GANC: variants seen among roughly 807,000 people sequenced by gnomAD.
GANC encodes glucosidase alpha, neutral C.
GANC carries 117 observed loss-of-function variants against 124.2 expected under a neutral mutation model. That is an observed-to-expected ratio of 0.94 (90% CI 0.81 to 1.10). The LOEUF is 1.10. Ranked by LOEUF, GANC falls within the 50% of genes least tolerant of loss-of-function variation. The probability of loss-of-function intolerance (pLI) is 0.00; values close to 1 mark genes in which losing one functional copy is unlikely to be tolerated. For missense variants in GANC, 1,140 were observed against 1,095.0 expected (o/e 1.04, Z -0.58); for synonymous variants, 377 against 376.8 (o/e 1.00, Z -0.01).
Position 42,287,753 on chromosome 15 carries a change from A to T in GANC, c.264A>T (p.Glu88Asp). 6.2e-7 allele frequency: 1 copy of T among 1,613,256 alleles called. No homozygotes were observed. The highest frequency in any genetic ancestry group is 1.1e-5 in the South Asian group (1 of 91,034). ...ACATTTTCAGGCTTAAAATTAATGA[A>T]GAGACTCCTCTAAAACCCAGATTTG... Reference protein sequence around the residue: ...EGNIFRLKINEETPLKPRFEV... With the variant: ...EGNIFRLKINDETPLKPRFEV... Residue 88 changes from glutamate to aspartate, a missense_variant, in exon 4 of 24, where the codon GAA (glutamate) becomes GAT (aspartate). Coordinates refer to ENST00000318010, the MANE Select transcript of GANC (RefSeq NM_198141.3).
chr15:42,304,770 T>C (rs2051977477), intron 6 of GANC, among the ~76,000 whole-genome samples: 1 of 152,144 alleles, frequency 6.6e-6, no homozygotes, highest in African/African-American at 2.4e-5. Flanking sequence ...AACAGATATG[T>C]AGACCAATGG....
At chr15:42,278,977 A>C (rs1325539692) in intron 3 of GANC, among the ~76,000 whole-genome samples, 1 of 152,226 alleles carries the variant, frequency 6.6e-6, no homozygotes, top group Non-Finnish European at 1.5e-5. Context: ...CCTGGGTGAC[A>C]CAGCAAGATC....
At position 42,352,168 on chromosome 15, in the gene GANC, G is replaced by A; in HGVS notation, c.*29G>A. Reference sequence around the variant, plus strand: ...AGAACTGCCCCTGGTGATGTGAGCAGGGACCTGCCTGCCCCTTTCAACCTT... The same window carrying A: ...AGAACTGCCCCTGGTGATGTGAGCAAGGACCTGCCTGCCCCTTTCAACCTT... On this transcript the variant is annotated 3_prime_UTR_variant, in exon 24 of 24. Coordinates refer to ENST00000318010, the MANE Select transcript of GANC (RefSeq NM_198141.3). 1.2e-6 allele frequency: 2 copies of A among 1,613,648 alleles called. No individual in the cohort carries two copies.
Position 42,297,613 on chromosome 15 carries a change from C to T in GANC, c.515C>T (p.Ala172Val). 6.2e-7 allele frequency: 1 copy of T among 1,611,284 alleles called. No homozygotes were observed. Among genetic ancestry groups the T allele is most frequent in the Admixed American group, 1.7e-5 (1 of 59,894 alleles). Reference sequence around the variant, plus strand: ...CAACTTTATTTACGTTAAAACAGAGCTGCTAAAGAAAATGAGGAGGAGACA... The same window carrying T: ...CAACTTTATTTACGTTAAAACAGAGTTGCTAAAGAAAATGAGGAGGAGACA... ...EHLQILHKQR[A>V]AKENEEETSV... is the part of the protein sequence containing the mutation. The change falls in exon 6 of 24, where the codon GCT becomes GTT. Residue 172 changes from alanine (A) to valine (V), a missense_variant and splice_region_variant. By Grantham distance (64) the Ala-to-Val change is moderately conservative. Coordinates refer to ENST00000318010, the MANE Select transcript of GANC (RefSeq NM_198141.3).
intron 4 of GANC, among the ~76,000 whole-genome samples, chr15:42,291,554 T>G (rs2051842356): frequency 6.6e-6 from 1 of 152,144 alleles, no homozygotes; most frequent in South Asian, 2.1e-4. Context: ...GAGGGAGCAC[T>G]TGGAAAGCAT....
In GANC at chr15:42,274,406, C is replaced by A; in HGVS notation, c.-76C>A. The stretch of plus-strand genomic sequence containing the variant: ...ACTGGTTGTAATTTTAGAAAGACAC[C>A]CAATCGGCTTTTTTAAAAGATCGCC... On this transcript the variant is annotated 5_prime_UTR_variant, in exon 1 of 24. Coordinates refer to ENST00000318010, the MANE Select transcript of GANC (RefSeq NM_198141.3). The A allele has an allele frequency of 6.7e-7, 1 of 1,484,176 alleles. No individual in the cohort carries two copies. Among genetic ancestry groups the A allele is most frequent in the Non-Finnish European group, 9.2e-7 (1 of 1,082,544 alleles). 91.9% of individuals were successfully genotyped at this position (1,484,176 alleles called of 1,614,324 possible). A position where few individuals can be genotyped will look rare whatever the true frequency, so the allele number is the denominator to read the frequency against.
chr15:42,291,027 G>A (rs906402978), intron 4 of GANC, among the ~76,000 whole-genome samples: 4 of 151,826 alleles, frequency 2.6e-5, no homozygotes, highest in South Asian at 2.1e-4. Context: ...TCCTGTGCCC[G>A]ACCCCTACCA....
At position 42,274,337 on chromosome 15, in the gene GANC, A is replaced by C; in HGVS notation, c.-145A>C. The C allele has an allele frequency of 1.3e-6, 1 of 773,748 alleles. No individual in the cohort carries two copies. Among genetic ancestry groups the C allele is most frequent in the Non-Finnish European group, 2.1e-6 (1 of 470,674 alleles). 47.9% of individuals were successfully genotyped at this position (773,748 alleles called of 1,614,324 possible). A position where few individuals can be genotyped will look rare whatever the true frequency, so the allele number is the denominator to read the frequency against. The stretch of plus-strand genomic sequence containing the variant: ...AAGAGTCAAGATTTGTCACTCCATG[A>C]GAATCTGGAGGGGACTCCCTTCCCA... On this transcript the variant is annotated 5_prime_UTR_variant, in exon 1 of 24. Transcript: ENST00000318010.
chr15:42,329,119 A>G (rs908531659), intron 13 of GANC, among the ~76,000 whole-genome samples, 187 bp from the exon 14 acceptor site: 2 of 152,228 alleles, frequency 1.3e-5, no homozygotes, highest in African/African-American at 4.8e-5. Flanking sequence ...ACTATTCTAG[A>G]TGTTTGGGAT....
intron 22 of GANC, among the ~76,000 whole-genome samples, 167 bp from the exon 23 acceptor site, chr15:42,351,162 G>T (rs1479126650): frequency 6.6e-6 from 1 of 152,054 alleles, no homozygotes; most frequent in African/African-American, 2.4e-5. Flanking sequence ...GTGAGCCACC[G>T]TGCCTGGGTC....
At chr15:42,302,535 G>A (rs1321836712) in intron 6 of GANC, among the ~76,000 whole-genome samples, 1 of 152,126 alleles carries the variant, frequency 6.6e-6, no homozygotes, top group Non-Finnish European at 1.5e-5. Context: ...GCTTCAGAAG[G>A]TGGGTAATAA....
At chr15:42,337,340 C>G (rs1238905433) in intron 15 of GANC, among the ~76,000 whole-genome samples, 4 of 152,072 alleles carry the variant, frequency 2.6e-5, no homozygotes, top group East Asian at 3.8e-4. Flanking sequence ...GTGATCTGGT[C>G]TTTGATATTT....
intron 10 of GANC, among the ~76,000 whole-genome samples, chr15:42,317,382 GA>G (rs540268005): frequency 3.0e-4 from 45 of 152,286 alleles, no homozygotes; most frequent in Non-Finnish European, 5.9e-4. Flanking sequence ...ACAGAGATGA[GA>G]GGGGGCTGAG....
intron 2 of GANC, among the ~76,000 whole-genome samples, chr15:42,276,656 G>C (rs1013135964): frequency 6.6e-6 from 1 of 151,976 alleles, no homozygotes; most frequent in Non-Finnish European, 1.5e-5. Flanking sequence ...AAATTTTGAC[G>C]CTTTGAATAG....
chr15:42,344,831 C>T (rs907969634), intron 19 of GANC: 1 of 152,150 alleles, frequency 6.6e-6, no homozygotes, highest in African/African-American at 2.4e-5. Context: ...GTGGTGGGTT[C>T]CCATTAAGAG....
intron 11 of GANC, among the ~76,000 whole-genome samples, chr15:42,324,490 A>G (rs2052183718): frequency 1.3e-5 from 2 of 152,208 alleles, no homozygotes; most frequent in South Asian, 4.1e-4. Context: ...ACCCATGTTT[A>G]TAGCAGCATT....
intron 15 of GANC, among the ~76,000 whole-genome samples, chr15:42,332,082 T>C (rs1410999689): frequency 2.0e-5 from 3 of 152,156 alleles, no homozygotes; most frequent in Non-Finnish European, 4.4e-5. Context: ...TTAGCTTTTT[T>C]AAAATGCACA....
At chr15:42,338,062 T>C (rs1431815193) in intron 15 of GANC, among the ~76,000 whole-genome samples, 1 of 146,766 alleles carries the variant, frequency 6.8e-6, no homozygotes, top group Non-Finnish European at 1.5e-5. Flanking sequence ...TGACTCCATC[T>C]AAAAAAAAAA....
At position 42,352,791 on chromosome 15, in the gene GANC, C is replaced by A; in HGVS notation, c.*652C>A. On this transcript the variant is annotated 3_prime_UTR_variant, in exon 24 of 24. Transcript: ENST00000318010. The stretch of plus-strand genomic sequence containing the variant: ...TTTACATTGTTTTTTTAATTAAGTG[C>A]TGTTTACTAACCAAATAATATTTAT... 1.2e-6 allele frequency: 1 copy of A among 863,546 alleles called. No individual in the cohort carries two copies. The highest frequency in any genetic ancestry group is 1.4e-6 in the Non-Finnish European group (1 of 718,834). 53.5% of individuals were successfully genotyped at this position (863,546 alleles called of 1,614,324 possible).
Sources: allele counts gnomAD v4.1 joint callset (sites outside exome capture counted in the v4.1 genomes callset), GRCh38; gene constraint gnomAD v4.1.1; transcripts MANE v1.5; gene names NCBI Gene and HGNC (gene_info 2026-07-23, HGNC 2026-07-21).